Variants in NUDT3 observed in about 807,000 individuals in gnomAD.
The protein encoded by NUDT3 is nudix hydrolase 3.
In NUDT3, 9 loss-of-function variants were observed where a neutral mutation model predicts 23.6. The observed-to-expected ratio is 0.38, with a 90% CI of 0.23 to 0.66. NUDT3 has a LOEUF of 0.66. NUDT3 is among the 30% of genes least tolerant of loss of function. NUDT3 has a pLI of 0.52. For synonymous variants in NUDT3, 86 were observed against 82.6 expected (o/e 1.04, Z -0.22); for missense variants, 172 against 218.5 (o/e 0.79, Z 1.34).
chr6:34,299,868 A>G (rs534934888), intron 2 of NUDT3, among the ~76,000 whole-genome samples: 1 of 150,438 alleles, frequency 6.6e-6, no homozygotes, highest in African/African-American at 2.4e-5. Flanking sequence ...GTGACACTGC[A>G]CTCCAGCCTG....
intron 1 of NUDT3, among the ~76,000 whole-genome samples, chr6:34,368,006 G>C (rs1318853393): frequency 1.3e-5 from 2 of 152,104 alleles, no homozygotes; most frequent in Admixed American, 1.3e-4. Flanking sequence ...TTCGAGACCA[G>C]ACTGGCCAAT....
At chr6:34,371,869 A>G (rs1177827632) in intron 1 of NUDT3, among the ~76,000 whole-genome samples, 3 of 152,146 alleles carry the variant, frequency 2.0e-5, no homozygotes, top group Admixed American at 6.5e-5. Flanking sequence ...TACATTAGGT[A>G]TATCTCCTAA....
chr6:34,302,624 C>A lies in NUDT3; in HGVS notation c.211-6939G>T, dbSNP rs142428654. Among the ~76,000 whole-genome samples, 1,425 of 151,978 alleles carry A rather than the reference C, an allele frequency of 9.4e-3. 17 individuals are homozygous for A. The highest frequency in any genetic ancestry group is 0.029 in the African/African-American group (1,217 of 41,444). ...GCGTGTGCCTGTAGTCCCAGTTACT[C>A]GGGAGGCTGAGGCAGGAGAATTGCT... On this transcript the variant is annotated intron_variant, in intron 2 of 4. Coordinates refer to ENST00000607016, the MANE Select transcript of NUDT3 (RefSeq NM_006703.4).
chr6:34,392,331 G>C lies in NUDT3; in HGVS notation c.32C>G (p.Thr11Ser). The C allele has an allele frequency of 6.2e-7, 1 of 1,606,350 alleles. No homozygotes were observed. Among genetic ancestry groups the C allele is most frequent in the African/African-American group, 1.4e-5 (1 of 73,772 alleles). Residue 11 changes from threonine to serine, a missense_variant, in exon 1 of 5, where the codon ACC becomes AGC. Physicochemically the swap from Thr to Ser is moderately conservative, Grantham distance 58. Around this residue, in one of 3 missense-constraint regions of NUDT3, gnomAD observed 50 missense variants for 46.2 expected, o/e 1.08. Coordinates refer to ENST00000607016, the MANE Select transcript of NUDT3 (RefSeq NM_006703.4). ...CTTCTTGTAGCCGTCGCCGTCGTAG[G>C]TGCGGGTCTGGTTCGACTTGAGCTT... MMKLKSNQTRTYDGDGYKKRA... is the reference protein window; with the variant it reads MMKLKSNQTRSYDGDGYKKRA...
intron 1 of NUDT3, among the ~76,000 whole-genome samples, chr6:34,351,741 C>CAAAA (rs1017090378): frequency 2.4e-4 from 13 of 54,228 alleles, no homozygotes; most frequent in Non-Finnish European, 4.1e-4. Context: ...AACTCTGTCT[C>CAAAA]AAAAAAAAAA....
At chr6:34,290,245 CT>C (rs765049070) in intron 4 of NUDT3, among the ~76,000 whole-genome samples, 2,530 of 143,752 alleles carry the variant, frequency 0.018, 63 homozygotes, top group African/African-American at 0.059. Context: ...TTCTTTCTCT[CT>C]TTTTTTTTTT....
chr6:34,315,719 C>A (rs544132356), intron 2 of NUDT3, among the ~76,000 whole-genome samples: 1 of 152,166 alleles, frequency 6.6e-6, no homozygotes, highest in South Asian at 2.1e-4. Context: ...CTCTTGACAT[C>A]CTTTCAACAA....
At chr6:34,379,045 G>T (rs1323931426) in intron 1 of NUDT3, among the ~76,000 whole-genome samples, 1 of 152,038 alleles carries the variant, frequency 6.6e-6, no homozygotes, top group Non-Finnish European at 1.5e-5. Flanking sequence ...AACCCAAGAA[G>T]AATTCACCTC....
In NUDT3 at chr6:34,361,253, A is replaced by G. The variant is rs1764646670; in HGVS notation, c.100-19281T>C. On this transcript the variant is annotated intron_variant, in intron 1 of 4. Transcript: ENST00000607016. ...ATAATTTTTAAAAGAACATATGCAG[A>G]TGGTAAATGAATATAAAAAGATGTT... Among the ~76,000 whole-genome samples, 5 of 152,134 alleles carry G rather than the reference A, an allele frequency of 3.3e-5. No homozygotes were observed. In the South Asian group the frequency reaches 8.3e-4, roughly 25 times the overall value.
chr6:34,293,779 T>G (rs78763675), intron 3 of NUDT3, among the ~76,000 whole-genome samples: 2,461 of 152,240 alleles, frequency 0.016, 51 homozygotes, highest in African/African-American at 0.047. Flanking sequence ...CCCCTTCCCC[T>G]AAATACAACT....
At chr6:34,332,561 C>A (rs938951740) in intron 2 of NUDT3, among the ~76,000 whole-genome samples, 3 of 152,180 alleles carry the variant, frequency 2.0e-5, no homozygotes, top group African/African-American at 2.4e-5. Context: ...GCAGTTCAAT[C>A]CCCTGTTGTT....
chr6:34,374,906 T>C (rs896581622), intron 1 of NUDT3, among the ~76,000 whole-genome samples: 2 of 152,254 alleles, frequency 1.3e-5, no homozygotes, highest in South Asian at 2.1e-4. Context: ...TCTGATCTTA[T>C]AACATGCTCT....
At chr6:34,295,987 C>G (rs1412188800) in intron 2 of NUDT3, among the ~76,000 whole-genome samples, 1 of 152,210 alleles carries the variant, frequency 6.6e-6, no homozygotes, top group African/African-American at 2.4e-5. Flanking sequence ...CAAAAATATT[C>G]TGAGGTATTG....
intron 2 of NUDT3, among the ~76,000 whole-genome samples, chr6:34,336,086 T>A (rs1228213259): frequency 6.6e-6 from 1 of 151,960 alleles, no homozygotes. Context: ...CTGGCCAACA[T>A]GATGAAACCC....
chr6:34,306,431 GGCAAGGGTT>G (rs1293375631), intron 2 of NUDT3, among the ~76,000 whole-genome samples: 34 of 152,330 alleles, frequency 2.2e-4, no homozygotes, highest in African/African-American at 7.9e-4. Flanking sequence ...AATCTCCAGA[GGCAAGGGTT>G]GCATTTAGTG....
At chr6:34,340,987 T>C (rs563768984) in intron 2 of NUDT3, among the ~76,000 whole-genome samples, 12 of 152,234 alleles carry the variant, frequency 7.9e-5, no homozygotes, top group Admixed American at 2.6e-4. Flanking sequence ...ACATAGGAAT[T>C]AGACTTGTTG....
chr6:34,328,942 G>C (rs56107559), intron 2 of NUDT3, among the ~76,000 whole-genome samples: 14,665 of 152,188 alleles, frequency 0.096, 809 homozygotes, highest in Non-Finnish European at 0.12. Flanking sequence ...ATTCACAACT[G>C]CTCAGGCTGG....
chr6:34,298,457 T>C (rs1244793166), intron 2 of NUDT3, among the ~76,000 whole-genome samples: 1 of 148,006 alleles, frequency 6.8e-6, no homozygotes, highest in Non-Finnish European at 1.5e-5. Context: ...TCACTCTGTG[T>C]CAGATGCAGT....
intron 2 of NUDT3, among the ~76,000 whole-genome samples, chr6:34,335,056 C>G (rs531415163): frequency 5.9e-5 from 9 of 152,154 alleles, no homozygotes; most frequent in Middle Eastern, 3.4e-3. Flanking sequence ...AGTAATTAAA[C>G]AAGCAACATC....
Sources: allele counts gnomAD v4.1 joint callset (sites outside exome capture counted in the v4.1 genomes callset), GRCh38; gene constraint gnomAD v4.1.1; regional missense constraint gnomAD v4.1.1; transcripts MANE v1.5; gene names NCBI Gene and HGNC (gene_info 2026-07-23, HGNC 2026-07-21).